Variants in PPP1R9A observed in about 807,000 individuals in gnomAD.
PPP1R9A encodes protein phosphatase 1 regulatory subunit 9A.
In PPP1R9A, 59 loss-of-function variants were observed where a neutral mutation model predicts 141.9. That is an observed-to-expected ratio of 0.42 (90% confidence interval 0.34 to 0.52). PPP1R9A has a LOEUF of 0.52. PPP1R9A is among the 20% of genes least tolerant of loss of function. PPP1R9A has a pLI of 0.10. For missense variants in PPP1R9A, 1,444 were observed against 1,611.9 expected (o/e 0.90, Z 1.78); for synonymous variants, 500 against 569.7 (o/e 0.88, Z 1.74).
intron 5 of PPP1R9A, among the ~76,000 whole-genome samples, chr7:95,181,005 C>T (rs1479517335): frequency 1.3e-5 from 2 of 151,138 alleles, no homozygotes; most frequent in East Asian, 1.9e-4. Flanking sequence ...CCATGTGATC[C>T]AGCAATCCCA....
At chr7:95,193,263 C>T (rs1239314853) in intron 5 of PPP1R9A, among the ~76,000 whole-genome samples, 1 of 151,808 alleles carries the variant, frequency 6.6e-6, no homozygotes, top group East Asian at 1.9e-4. Context: ...AAATAGCTGC[C>T]TGAATGAAGA....
Position 95,259,891 on chromosome 7 carries a change from A to T in PPP1R9A, c.2665+7761A>T, listed in dbSNP as rs1214346916. 2.6e-5 allele frequency among the ~76,000 whole-genome samples: 4 copies of T among 152,168 alleles called. No homozygotes were observed. The East Asian group carries it at 7.7e-4, about 29-fold the overall frequency. On this transcript the variant is annotated intron_variant, in intron 12 of 19. Coordinates refer to ENST00000433360, the MANE Select transcript of PPP1R9A (RefSeq NM_001166160.2). ...GCCTAGGGAATTCTAGAGTAGATTC[A>T]GCCTTTTTAAAAATATATATATATT...
chr7:95,037,244 A>G (rs1370299238), intron 2 of PPP1R9A: 2 of 152,048 alleles, frequency 1.3e-5, no homozygotes, highest in Admixed American at 1.3e-4. Context: ...AATTTCCATT[A>G]TTAGTAATGG....
At position 94,994,877 on chromosome 7, in the gene PPP1R9A, C is replaced by T. The variant is rs143919771; in HGVS notation, c.1395+83369C>T. 5.0e-4 allele frequency among the ~76,000 whole-genome samples: 76 copies of T among 150,936 alleles called. 1 individual carries two copies. The East Asian group carries it at 8.6e-3, about 17-fold the overall frequency. ...ACCACACTCTAGCCTGGTGACCAAA[C>T]GAGACTCCGTCTCAAAAAAAAAAAA... On this transcript the variant is annotated intron_variant, in intron 2 of 19. Coordinates refer to ENST00000433360, the MANE Select transcript of PPP1R9A (RefSeq NM_001166160.2).
chr7:94,987,258 G>A (rs965190235), intron 2 of PPP1R9A, among the ~76,000 whole-genome samples: 1 of 152,032 alleles, frequency 6.6e-6, no homozygotes, highest in Non-Finnish European at 1.5e-5. Flanking sequence ...TCATTCTGTT[G>A]TGTCCTATTC....
At chr7:95,060,013 TGGC>T (rs1269303780) in intron 2 of PPP1R9A, among the ~76,000 whole-genome samples, 5 of 152,112 alleles carry the variant, frequency 3.3e-5, no homozygotes, top group Non-Finnish European at 5.9e-5. Context: ...GCAGACAACT[TGGC>T]AGCAGTCCTG....
intron 6 of PPP1R9A, among the ~76,000 whole-genome samples, chr7:95,198,817 T>G (rs1836669517): frequency 6.6e-6 from 1 of 152,208 alleles, no homozygotes; most frequent in Non-Finnish European, 1.5e-5. Context: ...ATTTTCTCTC[T>G]CTGCTTTATA....
chr7:95,042,650 A>G (rs1424656550), intron 2 of PPP1R9A, among the ~76,000 whole-genome samples: 10 of 152,192 alleles, frequency 6.6e-5, no homozygotes, highest in Admixed American at 6.5e-4. Flanking sequence ...TGCTCTTCAC[A>G]GGTGTATATT....
intron 2 of PPP1R9A, among the ~76,000 whole-genome samples, chr7:95,020,992 T>G (rs1047969975): frequency 6.6e-6 from 1 of 152,214 alleles, no homozygotes; most frequent in Non-Finnish European, 1.5e-5. Context: ...ATATACCCAG[T>G]AATGGGATTG....
intron 5 of PPP1R9A, among the ~76,000 whole-genome samples, chr7:95,190,971 CT>C (rs1326455229): frequency 6.6e-6 from 1 of 152,096 alleles, no homozygotes; most frequent in Non-Finnish European, 1.5e-5. Flanking sequence ...CCATTTTTGA[CT>C]AGTATATAAA....
At chr7:95,142,125 T>C (rs532314266) in intron 4 of PPP1R9A, among the ~76,000 whole-genome samples, 10 of 152,264 alleles carry the variant, frequency 6.6e-5, no homozygotes, top group African/African-American at 2.4e-4. Flanking sequence ...GTTGAACATT[T>C]TTTTCATGTG....
intron 5 of PPP1R9A, among the ~76,000 whole-genome samples, chr7:95,167,785 G>A (rs1312159186): frequency 2.6e-5 from 4 of 151,190 alleles, no homozygotes; most frequent in Admixed American, 2.0e-4. Flanking sequence ...AAGAACACAA[G>A]AAGACAACCA....
Position 94,917,717 on chromosome 7 carries a change from T to G in PPP1R9A, c.1395+6209T>G, listed in dbSNP as rs111354417. ...GCCACTGTGCCCAGCAGTTGCTTGCTTTTTGGATCATACATACTTTGTGTT... is the reference window on the plus strand; with the variant it reads ...GCCACTGTGCCCAGCAGTTGCTTGCGTTTTGGATCATACATACTTTGTGTT... On this transcript the variant is annotated intron_variant, in intron 2 of 19. Transcript: ENST00000433360. Among the ~76,000 whole-genome samples the G allele has an allele frequency of 4.1e-3, 627 of 152,256 alleles. 2 individuals are homozygous for G. The highest frequency in any genetic ancestry group is 6.2e-3 in the Non-Finnish European group (425 of 68,006).
rs577953963 is a variant in PPP1R9A at position 94,962,692 on chromosome 7, G to A, written c.1395+51184G>A. Among the ~76,000 whole-genome samples the A allele has an allele frequency of 2.6e-5, 4 of 152,192 alleles. No homozygotes were observed. The East Asian group carries it at 5.8e-4, about 22-fold the overall frequency. Reference sequence around the variant, plus strand: ...TAAAAAATACATTGAAATGATGTATGTGTAATCTAAAAAAAATTAATATAC... The same window carrying A: ...TAAAAAATACATTGAAATGATGTATATGTAATCTAAAAAAAATTAATATAC... On this transcript the variant is annotated intron_variant, in intron 2 of 19. Transcript: ENST00000433360.
rs1798680315 is a variant in PPP1R9A at position 95,250,193 on chromosome 7, G to A, written c.2334G>A (p.Gln778=). 1 of 1,613,848 alleles carries A rather than the reference G, an allele frequency of 6.2e-7. No homozygotes were observed. The highest frequency in any genetic ancestry group is 2.2e-5 in the East Asian group (1 of 44,830). ...AGCATCTCAAAGAGACTCAAAGCCA[G>A]TATCAGGCCTTGGAAAAGAAATACA... ...VNEHLKETQS[Q]YQALEKKYNK... is the part of the protein sequence containing the mutation. The change falls in exon 10 of 20, where the codon CAG becomes CAA. Residue 778 remains glutamine, a synonymous_variant. Transcript: ENST00000433360.
intron 8 of PPP1R9A, among the ~76,000 whole-genome samples, chr7:95,243,537 A>C (rs1797739608): frequency 6.6e-6 from 1 of 152,154 alleles, no homozygotes; most frequent in Non-Finnish European, 1.5e-5. Flanking sequence ...CAGTTGGAGT[A>C]ATAACTTCTC....
At chr7:95,108,203 C>T (rs1443985573) in intron 2 of PPP1R9A, among the ~76,000 whole-genome samples, 1 of 150,114 alleles carries the variant, frequency 6.7e-6, no homozygotes, top group Non-Finnish European at 1.5e-5. Context: ...GCAGTGTTTT[C>T]TGCATGCCTA....
At chr7:95,011,239 C>G (rs1804374479) in intron 2 of PPP1R9A, among the ~76,000 whole-genome samples, 1 of 152,070 alleles carries the variant, frequency 6.6e-6, no homozygotes, top group Non-Finnish European at 1.5e-5. Context: ...TACAATAGAG[C>G]TTTCTTTCAC....
chr7:95,069,648 G>T (rs1813480984), intron 2 of PPP1R9A, among the ~76,000 whole-genome samples: 1 of 152,118 alleles, frequency 6.6e-6, no homozygotes, highest in African/African-American at 2.4e-5. Flanking sequence ...GTTGACACTT[G>T]AAGTTAGATT....
Sources: allele counts gnomAD v4.1 joint callset (sites outside exome capture counted in the v4.1 genomes callset), GRCh38; gene constraint gnomAD v4.1.1; transcripts MANE v1.5; gene names NCBI Gene and HGNC (gene_info 2026-07-23, HGNC 2026-07-21).